Variants in ENTPD6 observed in about 807,000 individuals in gnomAD.
ENTPD6 encodes CD39 antigen-like 2.
A neutral mutation model predicts 61.5 loss-of-function variants in ENTPD6; 46 were observed. The ratio of observed to expected loss-of-function variants is 0.75; its 90% confidence interval spans 0.59 to 0.96. The LOEUF is 0.96. ENTPD6 is among the 40% of genes least tolerant of loss of function. The pLI is 0.00. For synonymous variants in ENTPD6, 252 were observed against 255.5 expected (o/e 0.99, Z 0.13); for missense variants, 612 against 629.0 (o/e 0.97, Z 0.29).
intron 4 of ENTPD6, 110 bp downstream of exon 4, chr20:25,210,035 T>A (rs2091848539): frequency 4.0e-6 from 4 of 996,850 alleles, no homozygotes; most frequent in Non-Finnish European, 6.3e-6. Context: ...GCTTTGACAG[T>A]GCTGCCTGGG....
At position 25,222,996 on chromosome 20, in the gene ENTPD6, G is replaced by C. The variant is rs757383050; in HGVS notation, c.1186+18G>C. ...CCTCATAGGTAAGGGGGCCCGGATGGGCTGAGCAGGAAGGTCGGGGCGGCA... is the reference window on the plus strand; with the variant it reads ...CCTCATAGGTAAGGGGGCCCGGATGCGCTGAGCAGGAAGGTCGGGGCGGCA... On this transcript the variant is annotated intron_variant, in intron 12 of 14. Transcript: ENST00000376652. The C allele has an allele frequency of 6.2e-7, 1 of 1,609,498 alleles. No individual in the cohort carries two copies. The highest frequency in any genetic ancestry group is 8.5e-7 in the Non-Finnish European group (1 of 1,178,010).
rs2092785922 is a variant in ENTPD6, at chr20:25,225,974, C to T, written c.*377C>T. On this transcript the variant is annotated 3_prime_UTR_variant, in exon 15 of 15. Coordinates refer to ENST00000376652, the MANE Select transcript of ENTPD6 (RefSeq NM_001247.5). ...GTCCCTGCGATGGGAGTCTTGTCTCCCAGCCTGTCAGTTTCCTCCCCAGGG... is the reference window on the plus strand; with the variant it reads ...GTCCCTGCGATGGGAGTCTTGTCTCTCAGCCTGTCAGTTTCCTCCCCAGGG... 5.9e-6 allele frequency: 1 copy of T among 168,566 alleles called. No individual in the cohort carries two copies. Among genetic ancestry groups the T allele is most frequent in the Non-Finnish European group, 1.3e-5 (1 of 79,070 alleles). 10.4% of individuals were successfully genotyped at this position (168,566 alleles called of 1,614,324 possible).
At chr20:25,215,654 T>C (rs199912392) in intron 6 of ENTPD6, 22 bp from the exon 7 acceptor site, 12 of 1,613,856 alleles carry the variant, frequency 7.4e-6, no homozygotes. Context: ...ATTAAAATAA[T>C]GCCTGTGACA....
At chr20:25,207,002 C>T (rs751645472) in intron 2 of ENTPD6, 74 bp from the exon 3 acceptor site, 40 of 1,363,942 alleles carry the variant, frequency 2.9e-5, no homozygotes, top group Non-Finnish European at 3.9e-5. Flanking sequence ...TGTCCCTGGG[C>T]CTGGGGACGT....
intron 9 of ENTPD6, among the ~76,000 whole-genome samples, 154 bp downstream of exon 9, chr20:25,217,735 C>T (rs1026936896): frequency 6.6e-6 from 1 of 152,094 alleles, no homozygotes. Flanking sequence ...CTCCTTCTCC[C>T]GCCTCCTCTG....
intron 1 of ENTPD6, among the ~76,000 whole-genome samples, chr20:25,199,805 A>T (rs1038028010): frequency 6.6e-6 from 1 of 152,240 alleles, no homozygotes; most frequent in Non-Finnish European, 1.5e-5. Context: ...AGCACATGTC[A>T]GAATTTACTT....
In ENTPD6 at chr20:25,195,860, G is replaced by C. The variant is rs2090323899; in HGVS notation, c.-23G>C. On this transcript the variant is annotated 5_prime_UTR_variant, in exon 1 of 15. Transcript: ENST00000376652. ...TCTCCGTGGGTGTGGCGGAGCGCGCGGTGCATGGTAAGCGGCGGGCCGGGG... is the reference window on the plus strand; with the variant it reads ...TCTCCGTGGGTGTGGCGGAGCGCGCCGTGCATGGTAAGCGGCGGGCCGGGG... 3 of 1,236,754 alleles carry C rather than the reference G, an allele frequency of 2.4e-6. No individual in the cohort carries two copies. Among genetic ancestry groups the C allele is most frequent in the Non-Finnish European group, 3.0e-6 (3 of 987,654 alleles). 76.6% of individuals were successfully genotyped at this position (1,236,754 alleles called of 1,614,324 possible).
chr20:25,209,933 T>A lies in ENTPD6; in HGVS notation c.453+8T>A. 1 of 1,611,024 alleles carries A rather than the reference T, an allele frequency of 6.2e-7. No homozygotes were observed. The highest frequency in any genetic ancestry group is 8.5e-7 in the Non-Finnish European group (1 of 1,177,172). On this transcript the variant is annotated splice_region_variant and intron_variant, in intron 4 of 14. Transcript: ENST00000376652. Reference sequence around the variant, plus strand: ...GCTGATGATGTTGAAAAGGTAAGGATCCTCTCCCGTGTCTCCCTGTTCAAC... The same window carrying A: ...GCTGATGATGTTGAAAAGGTAAGGAACCTCTCCCGTGTCTCCCTGTTCAAC...
At position 25,224,147 on chromosome 20, in the gene ENTPD6, A is replaced by T; in HGVS notation, c.1233A>T (p.Ala411=). ...GSLVVGDFEI[A]AKYVCRTLET... The stretch of plus-strand genomic sequence containing the variant: ...TGGTGGTGGGGGACTTCGAGATCGC[A>T]GCCAAGTACGGTGAGTGATGCTGCA... Residue 411 remains alanine, a synonymous_variant, in exon 13 of 15, where the codon GCA becomes GCT. Transcript: ENST00000376652. 6.2e-7 allele frequency: 1 copy of T among 1,612,200 alleles called. No individual in the cohort carries two copies. The highest frequency in any genetic ancestry group is 8.5e-7 in the Non-Finnish European group (1 of 1,179,204).
Position 25,213,281 on chromosome 20 carries a change from G to T in ENTPD6, c.472G>T (p.Glu158Ter), listed in dbSNP as rs746781485. Residue 158 changes from glutamate to a stop codon, truncating the protein, a stop_gained, in exon 5 of 15, where the codon GAA (glutamate) becomes TAA (stop). Transcript: ENST00000376652. LOFTEE classifies it high-confidence loss of function. ...TTCACAGAGCGCTCAGGGAATCCGG[G>T]AACTACTGGATGTTGCTAAACAGGA... is the stretch of plus-strand genomic sequence containing the variant. Reference protein sequence around the residue: ...DVEKSAQGIRELLDVAKQDIP... With the variant: ...DVEKSAQGIR 2 of 1,614,262 alleles carry T rather than the reference G, an allele frequency of 1.2e-6. No homozygotes were observed. Among genetic ancestry groups the T allele is most frequent in the Non-Finnish European group, 1.7e-6 (2 of 1,180,058 alleles).
chr20:25,199,828 T>C (rs74665934), intron 1 of ENTPD6, among the ~76,000 whole-genome samples: 4,926 of 152,366 alleles, frequency 0.032, 234 homozygotes, highest in African/African-American at 0.11. Flanking sequence ...TTTTTAAAAC[T>C]GAATAATATT....
chr20:25,215,331 C>T (rs1388851812), intron 6 of ENTPD6, among the ~76,000 whole-genome samples: 1 of 152,174 alleles, frequency 6.6e-6, no homozygotes, highest in Non-Finnish European at 1.5e-5. Flanking sequence ...CCTGATAGGT[C>T]TTCAGTATGA....
chr20:25,209,118 T>TTA (rs1289690802), intron 3 of ENTPD6, among the ~76,000 whole-genome samples: 7 of 84,332 alleles, frequency 8.3e-5, no homozygotes, highest in African/African-American at 2.0e-4. Context: ...TTATTTAATT[T>TTA]TTTTTTTTTG....
chr20:25,224,014 G>C, intron 12 of ENTPD6, 87 bp from the exon 13 acceptor site: 1 of 1,300,046 alleles, frequency 7.7e-7, no homozygotes, highest in South Asian at 1.3e-5. Flanking sequence ...GGGCTCTTGG[G>C]CTGGCGTTCC....
intron 4 of ENTPD6, among the ~76,000 whole-genome samples, chr20:25,211,808 G>T (rs68008460): frequency 0.28 from 42,134 of 151,992 alleles, 6,626 homozygotes; most frequent in East Asian, 0.61. Flanking sequence ...CTCAGATGAA[G>T]TCTCTATTTT....
chr20:25,203,397 A>G (rs1345486786), intron 1 of ENTPD6, among the ~76,000 whole-genome samples: 3 of 152,152 alleles, frequency 2.0e-5, no homozygotes, highest in Non-Finnish European at 4.4e-5. Flanking sequence ...TTAGATTTCC[A>G]TAATGTGCAT....
intron 10 of ENTPD6, among the ~76,000 whole-genome samples, chr20:25,219,902 A>T (rs545204803): frequency 6.6e-6 from 1 of 152,312 alleles, no homozygotes; most frequent in South Asian, 2.1e-4. Context: ...TTTGTTGCAA[A>T]CAAAAACCAT....
At chr20:25,197,012 C>G in intron 1 of ENTPD6, 2 of 879,356 alleles carry the variant, frequency 2.3e-6, no homozygotes, top group Non-Finnish European at 1.4e-6. Flanking sequence ...ACGGGCGGTT[C>G]ACGCACCGGT....
Position 25,225,271 on chromosome 20 carries a change from G to C in ENTPD6, c.1310G>C (p.Ser437Thr). The C allele has an allele frequency of 4.3e-6, 7 of 1,613,536 alleles. No homozygotes were observed. Among genetic ancestry groups the C allele is most frequent in the Middle Eastern group, 1.6e-4 (1 of 6,062 alleles). ...PFSCMDLTYV[S>T]LLLQEFGFPR... ...TCATGCATGGACCTCACCTACGTCA[G>C]CCTGCTACTCCAGGAGTTCGGCTTT... The change falls in exon 14 of 15, where the codon AGC becomes ACC. Residue 437 changes from serine (S) to threonine (T), a missense_variant. Transcript: ENST00000376652.
Sources: gnomAD v4.1 joint callset for allele counts (sites outside exome capture counted in the v4.1 genomes callset) on GRCh38, gnomAD v4.1.1 for gene constraint, MANE v1.5 for transcripts, NCBI Gene and HGNC (gene_info 2026-07-23, HGNC 2026-07-21) for gene names.